The following KIAA0232 variants were observed in gnomAD, a reference collection of about 807,000 sequenced individuals.
KIAA0232 encodes the protein KIAA0232, also known as uncharacterized protein KIAA0232.
A neutral mutation model predicts 122.0 loss-of-function variants in KIAA0232; 27 were observed. That is an observed-to-expected ratio of 0.22 (90% confidence interval 0.16 to 0.31). The LOEUF (loss-of-function observed/expected upper bound fraction) is 0.31, where lower values mean the gene tolerates loss of function less well. Among genes scored for constraint, KIAA0232 ranks in the 10% least tolerant of loss-of-function variants. The pLI, the probability that KIAA0232 is intolerant of heterozygous loss-of-function variation, is 1.00. For synonymous variants in KIAA0232, 613 were observed against 587.6 expected, an observed-to-expected ratio of 1.04 and a Z score of -0.63; for missense variants, 1,551 against 1,634.2, an observed-to-expected ratio of 0.95 and a Z score of 0.88.
At chr4:6,825,572 C>CGAGAGAGA (rs111362007) in intron 3 of KIAA0232, among the ~76,000 whole-genome samples, 47 of 147,260 alleles carry the variant, frequency 3.2e-4, no homozygotes, top group African/African-American at 1.1e-3. Context: ...CACGCATACA[C>CGAGAGAGA]GAGAGAGAGA....
intron 2 of KIAA0232, among the ~76,000 whole-genome samples, chr4:6,814,616 CTT>C (rs1305539459): frequency 2.6e-5 from 4 of 151,996 alleles, no homozygotes; most frequent in African/African-American, 4.8e-5. Context: ...ATGCAACAGA[CTT>C]GTGAGAGGTT....
In KIAA0232 at chr4:6,880,872, G is replaced by T; in HGVS notation, c.4094G>T (p.Ser1365Ile). The T allele has an allele frequency of 6.2e-7, 1 of 1,608,064 alleles. No homozygotes were observed. The highest frequency in any genetic ancestry group is 8.5e-7 in the Non-Finnish European group (1 of 1,177,190). Residue 1365 changes from serine to isoleucine, a missense_variant, in exon 10 of 10, where the codon AGC becomes ATC. Around this residue, in one of 5 missense-constraint regions of KIAA0232, gnomAD observed 1,108 missense variants for 1,154.8 expected, o/e 0.96. Transcript: ENST00000307659. ...GGCTTCCGCGGAAAGATGTGCTCCAGCGCCAGCTCCACCTCGGAAGAGACA... is the reference window on the plus strand; with the variant it reads ...GGCTTCCGCGGAAAGATGTGCTCCATCGCCAGCTCCACCTCGGAAGAGACA... Reference protein sequence around the residue: ...SDGFRGKMCSSASSTSEETGS... With the variant: ...SDGFRGKMCSIASSTSEETGS...
intron 1 of KIAA0232, among the ~76,000 whole-genome samples, chr4:6,784,425 C>T (rs1236489509): frequency 2.2e-5 from 3 of 136,486 alleles, no homozygotes; most frequent in Admixed American, 7.3e-5. Context: ...AATTTAAAGG[C>T]GGGTGAGGGC....
chr4:6,862,038 C>T lies in KIAA0232; in HGVS notation c.1656C>T (p.Cys552=), dbSNP rs1720899410. The part of the protein sequence containing the change: ...KENTDFEAEC[C]IVLDGMELQG... Reference sequence around the variant, plus strand: ...ACACAGATTTTGAGGCAGAATGTTGCATAGTGTTAGATGGTATGGAGTTGC... The same window carrying T: ...ACACAGATTTTGAGGCAGAATGTTGTATAGTGTTAGATGGTATGGAGTTGC... The change falls in exon 7 of 10, where the codon TGC becomes TGT. Residue 552 remains cysteine, a synonymous_variant. Transcript: ENST00000307659. 3 of 1,614,146 alleles carry T rather than the reference C, an allele frequency of 1.9e-6. No homozygotes were observed. Among genetic ancestry groups the T allele is most frequent in the Non-Finnish European group, 2.5e-6 (3 of 1,180,014 alleles).
intron 7 of KIAA0232, among the ~76,000 whole-genome samples, chr4:6,868,346 C>G (rs1248031620): frequency 6.6e-6 from 1 of 152,146 alleles, no homozygotes; most frequent in East Asian, 1.9e-4. Context: ...AGTAACAAAG[C>G]TCTTGGTGCT....
chr4:6,869,983 G>A (rs1721385405), intron 7 of KIAA0232, among the ~76,000 whole-genome samples: 1 of 152,216 alleles, frequency 6.6e-6, no homozygotes, highest in Admixed American at 6.5e-5. Flanking sequence ...GATGTGGGTG[G>A]TAGAAAGATG....
intron 3 of KIAA0232, among the ~76,000 whole-genome samples, chr4:6,825,602 A>G (rs545201112): frequency 6.6e-6 from 1 of 152,110 alleles, no homozygotes; most frequent in Non-Finnish European, 1.5e-5. Context: ...AGAAAGAGAA[A>G]GCAAGAGAAA....
At chr4:6,825,528 C>G (rs192646318) in intron 3 of KIAA0232, among the ~76,000 whole-genome samples, 1 of 152,208 alleles carries the variant, frequency 6.6e-6, no homozygotes, top group Non-Finnish European at 1.5e-5. Context: ...GCACTCCAGC[C>G]TTGGCAACAG....
At position 6,862,892 on chromosome 4, in the gene KIAA0232, C is replaced by G; in HGVS notation, c.2510C>G (p.Ser837Cys). The change falls in exon 7 of 10, where the codon TCT becomes TGT. Residue 837 changes from serine (S) to cysteine (C), a missense_variant. By Grantham distance (112) the Ser-to-Cys change is moderately radical (BLOSUM62 -1). This residue lies in a region of KIAA0232 where 1,108 missense variants were observed against 1,154.8 expected (regional missense o/e 0.96). Coordinates refer to ENST00000307659, the MANE Select transcript of KIAA0232 (RefSeq NM_014743.3). ...DIWTKMADTNSVATVEIERTD... is the reference protein window; with the variant it reads ...DIWTKMADTNCVATVEIERTD... ...TGGACAAAGATGGCAGACACAAATT[C>G]TGTGGCTACAGTAGAAATAGAAAGA... 6.2e-7 allele frequency: 1 copy of G among 1,614,200 alleles called. No individual in the cohort carries two copies. Among genetic ancestry groups the G allele is most frequent in the South Asian group, 1.1e-5 (1 of 91,084 alleles).
At chr4:6,798,685 T>TGGACTATAGTCTA (rs1182013088) in intron 1 of KIAA0232, among the ~76,000 whole-genome samples, 2 of 152,144 alleles carry the variant, frequency 1.3e-5, no homozygotes, top group Non-Finnish European at 2.9e-5. Context: ...CTGAGTCTCT[T>TGGACTATAGTCTA]GGACTATAGG....
intron 3 of KIAA0232, among the ~76,000 whole-genome samples, chr4:6,825,643 C>T (rs1718640276): frequency 6.6e-6 from 1 of 151,960 alleles, no homozygotes; most frequent in African/African-American, 2.4e-5. Flanking sequence ...AAAATGTTAA[C>T]CTCAGTCTCA....
intron 2 of KIAA0232, among the ~76,000 whole-genome samples, chr4:6,816,068 G>A (rs1242859084): frequency 6.6e-6 from 1 of 152,062 alleles, no homozygotes; most frequent in Non-Finnish European, 1.5e-5. Context: ...ATCTTTCATG[G>A]TGTCAATTTT....
At position 6,860,161 on chromosome 4, in the gene KIAA0232, G is replaced by C. The variant is rs148324107; in HGVS notation, c.519-740G>C. On this transcript the variant is annotated intron_variant, in intron 6 of 9. Coordinates refer to ENST00000307659, the MANE Select transcript of KIAA0232 (RefSeq NM_014743.3). ...ACCCTTTCTGAGGGCCTGCTTCAAT[G>C]CCAGGCAGTATGCTAGCAGTTACGT... Among the ~76,000 whole-genome samples the C allele has an allele frequency of 2.0e-5, 3 of 152,268 alleles. No individual in the cohort carries two copies. The East Asian group carries it at 5.8e-4, about 29-fold the overall frequency.
At chr4:6,850,910 C>T (rs776103995) in intron 4 of KIAA0232, among the ~76,000 whole-genome samples, 18 of 152,242 alleles carry the variant, frequency 1.2e-4, no homozygotes, top group East Asian at 7.7e-4. Flanking sequence ...CCTCGTGATC[C>T]GCCCACCTCG....
rs1185459623 is a variant in KIAA0232, at chr4:6,793,153, A to T, written c.-354+10312A>T. Among the ~76,000 whole-genome samples, 3 of 152,194 alleles carry T rather than the reference A, an allele frequency of 2.0e-5. No individual in the cohort carries two copies. In the South Asian group the frequency reaches 6.2e-4, roughly 32 times the overall value. On this transcript the variant is annotated intron_variant, in intron 1 of 9. Coordinates refer to ENST00000307659, the MANE Select transcript of KIAA0232 (RefSeq NM_014743.3). ...GAGTGACTACCATTAACATTACCTA[A>T]TGTTAACTAATTAACTAATTACCAT...
intron 3 of KIAA0232, among the ~76,000 whole-genome samples, chr4:6,827,326 C>T (rs1178379409): frequency 2.0e-5 from 3 of 152,132 alleles, no homozygotes; most frequent in Admixed American, 6.6e-5. Context: ...AGAGAGGATG[C>T]GGAAGACAAG....
intron 1 of KIAA0232, among the ~76,000 whole-genome samples, chr4:6,787,047 G>A (rs1716655167): frequency 1.3e-5 from 2 of 151,980 alleles, no homozygotes; most frequent in Admixed American, 1.3e-4. Context: ...CGGGCATGGT[G>A]GAGCACGCCT....
chr4:6,879,473 A>G (rs911281753), intron 9 of KIAA0232, among the ~76,000 whole-genome samples: 2 of 152,120 alleles, frequency 1.3e-5, no homozygotes, highest in East Asian at 3.9e-4. Flanking sequence ...ACAGCCCTGT[A>G]TGTTTTGCCC....
rs374441482 is a variant in KIAA0232, at chr4:6,800,887, G to A, written c.-353-3636G>A. On this transcript the variant is annotated intron_variant, in intron 1 of 9. Transcript: ENST00000307659. ...GGGGGTGATACGAAGAGCCCAGTTA[G>A]GAAGGGCAGGCAGGTTCTTAAGGGT... Among the ~76,000 whole-genome samples, 119 of 152,318 alleles carry A rather than the reference G, an allele frequency of 7.8e-4. No individual in the cohort carries two copies. In the East Asian group the frequency reaches 0.019, roughly 24 times the overall value.
Sources: allele counts gnomAD v4.1 joint callset (sites outside exome capture counted in the v4.1 genomes callset), GRCh38; gene constraint gnomAD v4.1.1; regional missense constraint gnomAD v4.1.1; transcripts MANE v1.5; gene names NCBI Gene and HGNC (gene_info 2026-07-23, HGNC 2026-07-21).